Variants in SRSF11 observed in about 807,000 individuals in gnomAD.
SRSF11 encodes serine/arginine-rich splicing factor 11.
Under a neutral mutation model 56.0 loss-of-function variants are expected in SRSF11, and 9 were observed. The ratio of observed to expected loss-of-function variants is 0.16; its 90% CI spans 0.10 to 0.28. The LOEUF (loss-of-function observed/expected upper bound fraction) is 0.28, where lower values mean the gene tolerates loss of function less well. Among genes scored for constraint, SRSF11 ranks in the 10% least tolerant of loss-of-function variants. The probability of loss-of-function intolerance (pLI) is 1.00; values close to 1 mark genes in which losing one functional copy is unlikely to be tolerated. For synonymous variants in SRSF11, 222 were observed against 215.3 expected, an observed-to-expected ratio of 1.03 and a Z score of -0.27; for missense variants, 421 against 600.7, an observed-to-expected ratio of 0.70 and a Z score of 3.13.
chr1:70,240,727 C>A (rs1675168181), intron 7 of SRSF11, among the ~76,000 whole-genome samples: 1 of 151,382 alleles, frequency 6.6e-6, no homozygotes, highest in Non-Finnish European at 1.5e-5. Context: ...TTATTTACTT[C>A]AGCCAGTTTC....
intron 8 of SRSF11, 38 bp downstream of exon 8, chr1:70,244,853 C>T (rs1246732612): frequency 3.1e-6 from 5 of 1,610,078 alleles, no homozygotes; most frequent in Admixed American, 1.7e-5. Flanking sequence ...TTAGGGTTCC[C>T]AGTACCCCTA....
intron 2 of SRSF11, 132 bp downstream of exon 2, chr1:70,228,687 C>A: frequency 7.5e-7 from 1 of 1,337,054 alleles, no homozygotes; most frequent in South Asian, 2.6e-5. Flanking sequence ...TACTGCAGTC[C>A]GTAATTTTTG....
chr1:70,239,076 A>T (rs1161419741), intron 6 of SRSF11, among the ~76,000 whole-genome samples: 1 of 152,064 alleles, frequency 6.6e-6, no homozygotes, highest in Non-Finnish European at 1.5e-5. Context: ...TAATCTTCCT[A>T]TTTGATGTGT....
chr1:70,228,805 C>A, intron 2 of SRSF11: 1 of 1,138,606 alleles, frequency 8.8e-7, no homozygotes, highest in Non-Finnish European at 1.1e-6. Flanking sequence ...AAACCATGTC[C>A]CTTATTGTAA....
chr1:70,231,938 T>A, intron 2 of SRSF11: 1 of 1,531,572 alleles, frequency 6.5e-7, no homozygotes, highest in Non-Finnish European at 8.7e-7. Flanking sequence ...CGACTGTGCT[T>A]GCTTACGTTT....
chr1:70,226,617 T>C (rs922720523), intron 1 of SRSF11, among the ~76,000 whole-genome samples: 2 of 152,240 alleles, frequency 1.3e-5, no homozygotes, highest in African/African-American at 2.4e-5. Context: ...AAGTGCTTGC[T>C]ATTTCCCAGG....
At chr1:70,246,293 C>T (rs905059239) in intron 8 of SRSF11, among the ~76,000 whole-genome samples, 10 of 151,656 alleles carry the variant, frequency 6.6e-5, no homozygotes, top group African/African-American at 2.4e-4. Context: ...CGGCTGTAGT[C>T]AAAATCTGTT....
chr1:70,227,049 T>C (rs1671940089), intron 1 of SRSF11, among the ~76,000 whole-genome samples: 1 of 152,194 alleles, frequency 6.6e-6, no homozygotes, highest in Non-Finnish European at 1.5e-5. Flanking sequence ...GCCTGAGAGG[T>C]CCTTGTAGGG....
chr1:70,228,045 C>T lies in SRSF11; in HGVS notation c.204-377C>T, dbSNP rs188051175. Reference sequence around the variant, plus strand: ...ATAAAAATTGTTCATCTTTCTTACTCTGAGAAAGCCATTAGGAAGTTTCTA... The same window carrying T: ...ATAAAAATTGTTCATCTTTCTTACTTTGAGAAAGCCATTAGGAAGTTTCTA... On this transcript the variant is annotated intron_variant, in intron 1 of 11. Transcript: ENST00000370949. Among the ~76,000 whole-genome samples, 172 of 152,272 alleles carry T rather than the reference C, an allele frequency of 1.1e-3. 1 individual carries two copies. Among genetic ancestry groups the T allele is most frequent in the African/African-American group, 3.6e-3 (151 of 41,544 alleles).
rs959304051 is a variant in SRSF11 at position 70,230,202 on chromosome 1, T to C, written c.337+1647T>C. 11 of 983,862 alleles carry C rather than the reference T, an allele frequency of 1.1e-5. No individual in the cohort carries two copies. The African/African-American group carries it at 1.2e-4, about 11-fold the overall frequency. The allele number at this position is 983,862 out of a possible 1,614,324, so 60.9% of individuals were successfully genotyped here. A position where few individuals can be genotyped will look rare whatever the true frequency, so the allele number is the denominator to read the frequency against. On this transcript the variant is annotated intron_variant, in intron 2 of 11. Transcript: ENST00000370949. ...GGCCATAGTAATTTTTCTAGACCTA[T>C]TTTTGGAAGTGAAGTATTTAGGAAT...
upstream of SRSF11, among the ~76,000 whole-genome samples, chr1:70,220,378 G>A (rs769704970): frequency 1.3e-5 from 2 of 152,204 alleles, no homozygotes; most frequent in Non-Finnish European, 2.9e-5. Flanking sequence ...TGAGAGAATA[G>A]TTCAGATGAG....
intron 8 of SRSF11, 110 bp from the exon 9 acceptor site, chr1:70,246,708 T>C (rs929255209): frequency 5.3e-6 from 3 of 562,806 alleles, no homozygotes; most frequent in Non-Finnish European, 9.3e-6. Flanking sequence ...ACAACATTTA[T>C]GCTTTTAAGG....
intron 9 of SRSF11, among the ~76,000 whole-genome samples, chr1:70,247,759 A>T (rs988505827): frequency 6.6e-6 from 1 of 152,144 alleles, no homozygotes; most frequent in Non-Finnish European, 1.5e-5. Flanking sequence ...AGAAAGTAAA[A>T]ACCTAGAGTG....
chr1:70,224,629 C>G (rs76962335), intron 1 of SRSF11, among the ~76,000 whole-genome samples: 6 of 152,170 alleles, frequency 3.9e-5, no homozygotes, highest in African/African-American at 1.4e-4. Context: ...ACAACCTGCT[C>G]TAGGAGGTTT....
chr1:70,210,103 T>C (rs1669424652), intron 1 of SRSF11, among the ~76,000 whole-genome samples: 2 of 152,218 alleles, frequency 1.3e-5, no homozygotes, highest in South Asian at 4.1e-4. Flanking sequence ...TTTTGAATCG[T>C]GAAACAGCTT....
At chr1:70,239,397 T>G (rs770190679) in intron 6 of SRSF11, 42 bp from the exon 7 acceptor site, 10 of 1,457,522 alleles carry the variant, frequency 6.9e-6, no homozygotes, top group Non-Finnish European at 9.5e-6. Context: ...TGGCCCCTAT[T>G]TAATAACTTC....
chr1:70,241,912 G>A (rs755378373), intron 7 of SRSF11, among the ~76,000 whole-genome samples: 27 of 152,042 alleles, frequency 1.8e-4, no homozygotes, highest in Non-Finnish European at 3.7e-4. Flanking sequence ...GCTCACGCCT[G>A]TAGTCCCAGC....
intron 1 of SRSF11, 140 bp from the exon 2 acceptor site, chr1:70,228,281 GT>G: frequency 1.7e-6 from 1 of 593,610 alleles, no homozygotes; most frequent in East Asian, 2.9e-5. Context: ...GATTGAGAAT[GT>G]TTTCTTTTGA....
intron 1 of SRSF11, among the ~76,000 whole-genome samples, chr1:70,208,978 C>T (rs1571542104): frequency 6.6e-6 from 1 of 152,278 alleles, no homozygotes. Flanking sequence ...CTGGAGACTA[C>T]TGCATAGCTA....
Sources: allele counts gnomAD v4.1 joint callset (sites outside exome capture counted in the v4.1 genomes callset), GRCh38; gene constraint gnomAD v4.1.1; transcripts MANE v1.5; gene names NCBI Gene and HGNC (gene_info 2026-07-23, HGNC 2026-07-21).